Variants in E2F3 observed in about 807,000 individuals in gnomAD.
E2F3 encodes the protein transcription factor E2F3.
In E2F3, 11 loss-of-function variants were observed where a neutral mutation model predicts 44.4. The observed-to-expected ratio is 0.25, with a 90% CI of 0.16 to 0.41. The LOEUF (loss-of-function observed/expected upper bound fraction) is 0.41. Ranked by LOEUF, E2F3 falls within the 10% of genes least tolerant of loss-of-function variation. The pLI, the probability that E2F3 is intolerant of heterozygous loss-of-function variation, is 1.00. For synonymous variants in E2F3, 249 were observed against 253.0 expected (o/e 0.98, Z 0.15); for missense variants, 487 against 583.6 (o/e 0.83, Z 1.70).
intron 1 of E2F3, among the ~76,000 whole-genome samples, chr6:20,434,826 T>C (rs1760520653): frequency 6.6e-6 from 1 of 152,156 alleles, no homozygotes; most frequent in Non-Finnish European, 1.5e-5. Context: ...CCATGGGCAG[T>C]ACTAAGCAGA....
intron 1 of E2F3, among the ~76,000 whole-genome samples, chr6:20,413,598 G>A (rs1309059136): frequency 6.6e-6 from 1 of 152,170 alleles, no homozygotes; most frequent in African/African-American, 2.4e-5. Flanking sequence ...TTGAGAATCC[G>A]AGCTCAGGAG....
intron 1 of E2F3, among the ~76,000 whole-genome samples, chr6:20,448,199 G>C (rs1339422768): frequency 6.6e-6 from 1 of 152,158 alleles, no homozygotes; most frequent in African/African-American, 2.4e-5. Context: ...TGGTTTGGTT[G>C]TTATGAGCGC....
rs987247639 is a variant in E2F3, at chr6:20,402,616, C to G, written c.384C>G (p.Gly128=). The G allele has an allele frequency of 6.0e-6, 8 of 1,337,926 alleles. No homozygotes were observed. The highest frequency in any genetic ancestry group is 3.1e-5 in the African/African-American group (2 of 64,856). The allele number at this position is 1,337,926 out of a possible 1,614,324, so 82.9% of individuals were successfully genotyped here. The change falls in exon 1 of 7, where the codon GGC becomes GGG. Residue 128 remains glycine (G), a synonymous_variant. Transcript: ENST00000346618. This position sits in a 1 kb window ranked among gnomAD's most constrained non-coding sequence, Gnocchi z 5.6. The part of the protein sequence containing the change: ...ALGRGGSGGG[G]GPPAKRRLEL... The stretch of plus-strand genomic sequence containing the variant: ...GACGCGGCGGCAGCGGCGGCGGCGG[C>G]GGCCCTCCGGTAATACCCTCCCTCC...
At chr6:20,425,837 G>A (rs1760199002) in intron 1 of E2F3, among the ~76,000 whole-genome samples, 1 of 152,218 alleles carries the variant, frequency 6.6e-6, no homozygotes, top group South Asian at 2.1e-4. Context: ...TTACCTAACA[G>A]TTTGAGCCCT....
At chr6:20,443,557 T>C (rs1403949706) in intron 1 of E2F3, among the ~76,000 whole-genome samples, 3 of 152,106 alleles carry the variant, frequency 2.0e-5, no homozygotes, top group Non-Finnish European at 4.4e-5. Flanking sequence ...CTGGGCAACA[T>C]AGCCAGACCC....
At chr6:20,413,362 G>T (rs1018631530) in intron 1 of E2F3, among the ~76,000 whole-genome samples, 4 of 152,134 alleles carry the variant, frequency 2.6e-5, no homozygotes, top group Non-Finnish European at 5.9e-5. Context: ...ACTGAAACTA[G>T]ATTGTCCAGG....
chr6:20,449,770 C>A (rs1761065866), intron 1 of E2F3, among the ~76,000 whole-genome samples: 4 of 152,190 alleles, frequency 2.6e-5, no homozygotes, highest in Admixed American at 2.6e-4. Context: ...TCTCCCTCCT[C>A]CCACTCTCCA....
intron 1 of E2F3, among the ~76,000 whole-genome samples, chr6:20,434,846 C>T (rs1346731274): frequency 6.6e-6 from 1 of 152,172 alleles, no homozygotes; most frequent in Non-Finnish European, 1.5e-5. Flanking sequence ...AATCAGGCTT[C>T]TGTTCATCAG....
chr6:20,447,000 A>G (rs1760967389), intron 1 of E2F3, among the ~76,000 whole-genome samples: 2 of 152,234 alleles, frequency 1.3e-5, no homozygotes, highest in Admixed American at 6.5e-5. Context: ...TTAATAAAGA[A>G]ATGTGGCCAC....
intron 1 of E2F3, among the ~76,000 whole-genome samples, chr6:20,450,043 C>T (rs1462213844): frequency 6.6e-6 from 1 of 152,158 alleles, no homozygotes. Flanking sequence ...AGGTTGATTC[C>T]ATGTCTTTGC....
chr6:20,402,200 A>G lies in E2F3; in HGVS notation c.-33A>G. The G allele has an allele frequency of 6.4e-7, 1 of 1,553,882 alleles. No individual in the cohort carries two copies. Among genetic ancestry groups the G allele is most frequent in the South Asian group, 1.2e-5 (1 of 81,870 alleles). On this transcript the variant is annotated 5_prime_UTR_variant, in exon 1 of 7. It adds an upstream start codon to the 5' untranslated region. Coordinates refer to ENST00000346618, the MANE Select transcript of E2F3 (RefSeq NM_001949.5). This position sits in a 1 kb window ranked among gnomAD's most constrained non-coding sequence, Gnocchi z 5.6. ...AAGAAATTGAAAACAATACATTAAT[A>G]TACCATAACACTAAAAAGAGCAGGA...
chr6:20,449,510 C>G (rs951509667), intron 1 of E2F3, among the ~76,000 whole-genome samples: 1 of 152,168 alleles, frequency 6.6e-6, no homozygotes, highest in African/African-American at 2.4e-5. Flanking sequence ...TTGTATATCA[C>G]TTCATACATG....
chr6:20,480,121 C>G, intron 2 of E2F3, 164 bp downstream of exon 2: 1 of 955,446 alleles, frequency 1.0e-6, no homozygotes, highest in Admixed American at 6.2e-5. Flanking sequence ...TGTCAGCAGA[C>G]AACCAGTGAA....
intron 1 of E2F3, among the ~76,000 whole-genome samples, chr6:20,457,354 T>C (rs1197219971): frequency 6.8e-6 from 1 of 146,088 alleles, no homozygotes; most frequent in Non-Finnish European, 1.5e-5. Context: ...TTTTCTTTTT[T>C]TTTTTTTTTT....
Sources: gnomAD v4.1 joint callset for allele counts (sites outside exome capture counted in the v4.1 genomes callset) on GRCh38, gnomAD v4.1.1 for gene constraint, Gnocchi (gnomAD v3.1) non-coding constraint, MANE v1.5 for transcripts, NCBI Gene and HGNC (gene_info 2026-07-23, HGNC 2026-07-21) for gene names.